The following DENND4A variants were observed in gnomAD, a reference collection of about 807,000 sequenced individuals.
DENND4A encodes the protein DENN domain containing 4A, also known as C-myc promoter-binding protein.
DENND4A carries 70 observed loss-of-function variants against 199.3 expected under a neutral mutation model. That is an observed-to-expected ratio of 0.35 (90% CI 0.29 to 0.43). DENND4A has a LOEUF of 0.43. Ranked by LOEUF, DENND4A falls within the 20% of genes least tolerant of loss-of-function variation. The probability of loss-of-function intolerance (pLI) is 1.00; values close to 1 mark genes in which losing one functional copy is unlikely to be tolerated. For missense variants in DENND4A, 1,723 were observed against 2,255.8 expected (o/e 0.76, Z 4.78); for synonymous variants, 686 against 766.9 (o/e 0.89, Z 1.74).
Position 65,659,479 on chromosome 15 carries a change from G to C in DENND4A, c.*2372C>G, listed in dbSNP as rs2075790824. ...CCTCCCGAGTAGCTGGGATTACCAA[G>C]CATGAGCCACCATACCGAGCAAATT... On this transcript the variant is annotated 3_prime_UTR_variant, in exon 33 of 33. Transcript: ENST00000443035. 1 of 151,396 alleles carries C rather than the reference G, an allele frequency of 6.6e-6. No individual in the cohort carries two copies. The highest frequency in any genetic ancestry group is 2.1e-4 in the South Asian group (1 of 4,764). The allele number at this position is 151,396 out of a possible 1,614,324, so 9.4% of individuals were successfully genotyped here.
chr15:65,771,562 A>G (rs1396195520), intron 1 of DENND4A: 1 of 1,612,466 alleles, frequency 6.2e-7, no homozygotes, highest in African/African-American at 1.3e-5. Context: ...TCAGCTGGAT[A>G]AACACAGAAA....
intron 1 of DENND4A, among the ~76,000 whole-genome samples, chr15:65,772,706 C>CAAAAAAAAA (rs34181353): frequency 1.2e-4 from 4 of 33,596 alleles, no homozygotes; most frequent in African/African-American, 2.4e-4. Context: ...GACTCCGTCT[C>CAAAAAAAAA]AAAAAAAAAA....
At chr15:65,752,862 G>C (rs1417765216) in intron 3 of DENND4A, among the ~76,000 whole-genome samples, 1 of 152,136 alleles carries the variant, frequency 6.6e-6, no homozygotes, top group Non-Finnish European at 1.5e-5. Context: ...ATATAAACCA[G>C]AGAAAGGTAC....
chr15:65,748,933 C>CA (rs2076486611), intron 4 of DENND4A, among the ~76,000 whole-genome samples: 1 of 147,668 alleles, frequency 6.8e-6, no homozygotes, highest in Admixed American at 6.9e-5. Context: ...GTCGAGGCTA[C>CA]AATGAGCCAT....
At chr15:65,700,436 A>G in intron 20 of DENND4A, 108 bp downstream of exon 20, 5 of 522,016 alleles carry the variant, frequency 9.6e-6, no homozygotes, top group Non-Finnish European at 1.4e-5. Flanking sequence ...ATAAAATTAA[A>G]AAGTGACAGT....
At chr15:65,706,505 TA>T (rs1158514377) in intron 14 of DENND4A, among the ~76,000 whole-genome samples, 1,500 of 137,314 alleles carry the variant, frequency 0.011, 43 homozygotes, top group African/African-American at 0.027. Flanking sequence ...CATATATATA[TA>T]TATTTTTTTT....
chr15:65,675,889 T>TA (rs2076359037), intron 24 of DENND4A, among the ~76,000 whole-genome samples: 1 of 152,104 alleles, frequency 6.6e-6, no homozygotes, highest in African/African-American at 2.4e-5. Context: ...ATAACATATA[T>TA]GCATTATAGC....
chr15:65,676,689 A>T, intron 23 of DENND4A, 55 bp from the exon 24 acceptor site: 1 of 1,428,806 alleles, frequency 7.0e-7, no homozygotes, highest in Non-Finnish European at 9.4e-7. Flanking sequence ...AATTAATTAA[A>T]AAGTCACTTC....
chr15:65,723,138 T>C (rs565460966), intron 11 of DENND4A, among the ~76,000 whole-genome samples, 190 bp from the exon 12 acceptor site: 125 of 152,240 alleles, frequency 8.2e-4, no homozygotes, highest in African/African-American at 2.9e-3. Flanking sequence ...AAAAATTAAT[T>C]TGTATGAGGG....
At chr15:65,767,078 T>C (rs553286496) in intron 1 of DENND4A, among the ~76,000 whole-genome samples, 43 of 152,344 alleles carry the variant, frequency 2.8e-4, no homozygotes, top group Non-Finnish European at 5.3e-4. Context: ...GCTCTACTTT[T>C]TGATTCTCTC....
chr15:65,717,013 C>T (rs2075427928), intron 13 of DENND4A, among the ~76,000 whole-genome samples: 1 of 152,216 alleles, frequency 6.6e-6, no homozygotes, highest in Non-Finnish European at 1.5e-5. Context: ...TCTTTCAGAT[C>T]ATGGATCAGA....
At chr15:65,747,096 A>G (rs1567071798) in intron 4 of DENND4A, among the ~76,000 whole-genome samples, 1 of 145,424 alleles carries the variant, frequency 6.9e-6, no homozygotes, top group Non-Finnish European at 1.5e-5. Flanking sequence ...ACAAAGTGAG[A>G]CTCTGTTTAA....
intron 1 of DENND4A, among the ~76,000 whole-genome samples, chr15:65,769,829 T>C (rs1272624404): frequency 2.0e-5 from 3 of 152,186 alleles, no homozygotes; most frequent in Admixed American, 6.5e-5. Flanking sequence ...ATGTTTATGT[T>C]CCATTAACCG....
At chr15:65,716,656 T>C (rs1430018682) in intron 13 of DENND4A, among the ~76,000 whole-genome samples, 2 of 152,026 alleles carry the variant, frequency 1.3e-5, no homozygotes, top group Admixed American at 1.3e-4. Flanking sequence ...TGTTGGACAT[T>C]TGGGTTGGTT....
At chr15:65,700,772 A>G in intron 19 of DENND4A, 97 bp from the exon 20 acceptor site, 1 of 1,273,808 alleles carries the variant, frequency 7.9e-7, no homozygotes, top group Middle Eastern at 1.9e-4. Context: ...AATACTGAAC[A>G]TGAAAAGTGC....
At position 65,788,674 on chromosome 15, in the gene DENND4A, A is replaced by G. The variant is rs374586600; in HGVS notation, c.-102+3336T>C. On this transcript the variant is annotated intron_variant, in intron 1 of 32. Transcript: ENST00000443035. Reference sequence around the variant, plus strand: ...CGAGTTCAAGACCAGGCTGGGCAACATGGCAAAACCCCATCTAAAAAAATA... The same window carrying G: ...CGAGTTCAAGACCAGGCTGGGCAACGTGGCAAAACCCCATCTAAAAAAATA... 2.6e-5 allele frequency among the ~76,000 whole-genome samples: 4 copies of G among 152,066 alleles called. No individual in the cohort carries two copies. In the East Asian group the frequency reaches 5.8e-4, roughly 22 times the overall value.
intron 12 of DENND4A, 118 bp from the exon 13 acceptor site, chr15:65,718,114 T>C: frequency 1.4e-6 from 1 of 728,878 alleles, no homozygotes; most frequent in Non-Finnish European, 2.2e-6. Context: ...TTTGTTTACA[T>C]AACTTAATCA....
chr15:65,784,569 T>C (rs1196540095), intron 1 of DENND4A, among the ~76,000 whole-genome samples: 1 of 152,014 alleles, frequency 6.6e-6, no homozygotes, highest in Non-Finnish European at 1.5e-5. Context: ...TAAATAAAAA[T>C]ATGGGGAAGT....
At chr15:65,668,862 T>C (rs1397455303) in intron 27 of DENND4A, among the ~76,000 whole-genome samples, 1 of 151,610 alleles carries the variant, frequency 6.6e-6, no homozygotes, top group African/African-American at 2.4e-5. Context: ...GCAACATGAA[T>C]GAAAGGAAAT....
Sources: gnomAD v4.1 joint callset for allele counts (sites outside exome capture counted in the v4.1 genomes callset) on GRCh38, gnomAD v4.1.1 for gene constraint, MANE v1.5 for transcripts, NCBI Gene and HGNC (gene_info 2026-07-23, HGNC 2026-07-21) for gene names.